RGS6: variants seen among roughly 807,000 people sequenced by gnomAD.
RGS6 encodes the protein regulator of G-protein signaling 6.
In RGS6, 30 loss-of-function variants were observed where a neutral mutation model predicts 78.5. The observed-to-expected ratio is 0.38, with a 90% confidence interval of 0.29 to 0.52. The LOEUF (loss-of-function observed/expected upper bound fraction) is 0.52. RGS6 is among the 20% of genes least tolerant of loss of function. The pLI is 0.85. For synonymous variants in RGS6, 206 were observed against 206.0 expected, an observed-to-expected ratio of 1.00 and a Z score of 0.00; for missense variants, 495 against 609.7, an observed-to-expected ratio of 0.81 and a Z score of 1.98.
At chr14:71,933,607 C>T (rs1047250121) in intron 1 of RGS6, among the ~76,000 whole-genome samples, 1 of 152,156 alleles carries the variant, frequency 6.6e-6, no homozygotes, top group Non-Finnish European at 1.5e-5. Context: ...TAGTTTTGTT[C>T]AGAATGAAAG....
chr14:72,167,142 A>G (rs546375343), intron 2 of RGS6, among the ~76,000 whole-genome samples: 33 of 152,224 alleles, frequency 2.2e-4, no homozygotes, highest in Non-Finnish European at 4.1e-4. Context: ...TGAAAGCTCA[A>G]CTGGGGAAGG....
chr14:72,589,554 G>GA, the RGS6 span, among the ~76,000 whole-genome samples: 5 of 150,760 alleles, frequency 3.3e-5, no homozygotes, highest in Admixed American at 6.6e-5. Context: ...TGTCTCAAAA[G>GA]AAAAAAAAAT....
At chr14:71,957,288 C>T (rs1051104321) in intron 1 of RGS6, among the ~76,000 whole-genome samples, 2 of 152,064 alleles carry the variant, frequency 1.3e-5, no homozygotes, top group African/African-American at 4.8e-5. Context: ...TGAGGATGAG[C>T]AGAAAGTGGC....
At chr14:72,030,421 TACTA>T (rs980993501) in intron 2 of RGS6, among the ~76,000 whole-genome samples, 1 of 152,124 alleles carries the variant, frequency 6.6e-6, no homozygotes, top group Non-Finnish European at 1.5e-5. Context: ...ATTATGCAAA[TACTA>T]AAGGAAAGCA....
chr14:72,350,495 T>C (rs566444335), intron 2 of RGS6, among the ~76,000 whole-genome samples: 35 of 152,310 alleles, frequency 2.3e-4, no homozygotes, highest in African/African-American at 7.9e-4. Context: ...GGTTGGGTGG[T>C]GCTATGTGAC....
In RGS6 at chr14:71,936,035, T is replaced by TGTAC. The variant is rs1461780548; in HGVS notation, c.-21+3094_-21+3095insGTAC. On this transcript the variant is annotated intron_variant, in intron 1 of 17. Transcript: ENST00000553525. ...AATAGGATATATATATATATATATA[T>TGTAC]ATATATGTACATATATATCATATAT... 3.7e-4 allele frequency among the ~76,000 whole-genome samples: 52 copies of TGTAC among 140,720 alleles called. No homozygotes were observed. In the East Asian group the frequency reaches 5.5e-3, roughly 15 times the overall value. 92.3% of individuals were successfully genotyped at this position (140,720 alleles called of 152,430 possible).
the RGS6 span, among the ~76,000 whole-genome samples, chr14:71,872,182 C>A: frequency 6.6e-6 from 1 of 152,186 alleles, no homozygotes; most frequent in African/African-American, 2.4e-5. Context: ...AACTCATGTT[C>A]GTCTCACTAA....
intron 2 of RGS6, among the ~76,000 whole-genome samples, chr14:72,059,979 G>A (rs561921727): frequency 3.7e-4 from 56 of 152,226 alleles, no homozygotes; most frequent in African/African-American, 1.2e-3. Context: ...TGGAGTGTGC[G>A]TTGTTCAATG....
chr14:72,547,434 G>C (rs2097425106), intron 17 of RGS6: 1 of 995,264 alleles, frequency 1.0e-6, no homozygotes, highest in Admixed American at 2.1e-5. Context: ...AACAGGGGAT[G>C]CTTCCCCCTT....
chr14:72,084,274 T>C (rs1386307821), intron 2 of RGS6, among the ~76,000 whole-genome samples: 3 of 152,198 alleles, frequency 2.0e-5, no homozygotes, highest in Non-Finnish European at 4.4e-5. Flanking sequence ...GAGAATCCAA[T>C]GCCCCCACTG....
At chr14:72,540,170 T>C (rs747809467) in intron 17 of RGS6, 76 bp downstream of exon 17, 12 of 1,508,620 alleles carry the variant, frequency 8.0e-6, no homozygotes, top group African/African-American at 1.4e-5. Flanking sequence ...TTTTTTTTTT[T>C]TCCCTTTGGT....
chr14:72,343,376 C>T (rs2077388426), intron 2 of RGS6, among the ~76,000 whole-genome samples: 1 of 152,214 alleles, frequency 6.6e-6, no homozygotes, highest in African/African-American at 2.4e-5. Flanking sequence ...TCCATCATCA[C>T]ATCTGTCTCT....
At chr14:72,440,474 G>T (rs533743191) in intron 3 of RGS6, among the ~76,000 whole-genome samples, 1 of 150,722 alleles carries the variant, frequency 6.6e-6, no homozygotes, top group Non-Finnish European at 1.5e-5. Flanking sequence ...GAGTGCAGTG[G>T]CATGATCTCG....
intron 17 of RGS6, among the ~76,000 whole-genome samples, chr14:72,561,534 C>T (rs563618918): frequency 6.6e-6 from 1 of 152,206 alleles, no homozygotes; most frequent in Non-Finnish European, 1.5e-5. Context: ...GAGCCTCGCT[C>T]GTGCCCCTCA....
the RGS6 span, among the ~76,000 whole-genome samples, chr14:71,891,750 T>G: frequency 1.3e-5 from 2 of 152,186 alleles, no homozygotes; most frequent in African/African-American, 4.8e-5. Flanking sequence ...CTCTAGGGAT[T>G]CTTACAAAGT....
intron 1 of RGS6, among the ~76,000 whole-genome samples, chr14:71,959,338 A>C (rs1220539268): frequency 2.0e-5 from 3 of 152,198 alleles, no homozygotes; most frequent in African/African-American, 7.2e-5. Flanking sequence ...CAGAAAAAAA[A>C]AATCCATTGG....
intron 2 of RGS6, among the ~76,000 whole-genome samples, chr14:71,984,489 A>AAAAAAAAAAC (rs2094606461): frequency 6.7e-6 from 1 of 150,304 alleles, no homozygotes; most frequent in Non-Finnish European, 1.5e-5. Flanking sequence ...AAAAAGAAAA[A>AAAAAAAAAAC]AAAAAAGTTG....
chr14:72,580,002 T>C, the RGS6 span, among the ~76,000 whole-genome samples: 1 of 152,228 alleles, frequency 6.6e-6, no homozygotes, highest in Non-Finnish European at 1.5e-5. Context: ...GCTTATCAGC[T>C]AAGGCACAAA....
intron 2 of RGS6, among the ~76,000 whole-genome samples, chr14:72,340,008 G>A (rs902293022): frequency 1.3e-5 from 2 of 152,014 alleles, no homozygotes; most frequent in African/African-American, 4.8e-5. Context: ...AATCCTCAAG[G>A]GGCCCCTCTG....
Sources: gnomAD v4.1 joint callset for allele counts (sites outside exome capture counted in the v4.1 genomes callset) on GRCh38, gnomAD v4.1.1 for gene constraint, MANE v1.5 for transcripts, NCBI Gene and HGNC (gene_info 2026-07-23, HGNC 2026-07-21) for gene names.